Variants in ADGRG2 observed in about 807,000 individuals in gnomAD.
The protein encoded by ADGRG2 is adhesion G protein-coupled receptor G2.
In ADGRG2, 26 loss-of-function variants were observed where a neutral mutation model predicts 74.1. The ratio of observed to expected loss-of-function variants is 0.35; its 90% CI spans 0.26 to 0.49. ADGRG2 has a LOEUF of 0.49. Ranked by LOEUF, ADGRG2 falls within the 20% of genes least tolerant of loss-of-function variation. The pLI, the probability that ADGRG2 is intolerant of heterozygous loss-of-function variation, is 0.99. For missense variants in ADGRG2, 619 were observed against 763.1 expected (o/e 0.81, Z 2.22); for synonymous variants, 296 against 295.2 (o/e 1.00, Z -0.03).
chrX:19,055,007 G>C (rs896344964), intron 3 of ADGRG2, among the ~76,000 whole-genome samples: 5 of 111,787 alleles, frequency 4.5e-5, no homozygotes, highest in African/African-American at 1.6e-4. Context: ...TACTGCCAAG[G>C]TCAAAAGCAA....
rs61742901 is a variant in ADGRG2 at position 19,028,205 on chromosome X, T to C, written c.392A>G (p.Asp131Gly). The change falls in exon 10 of 29, where the codon GAT becomes GGT. Residue 131 changes from aspartate (D) to glycine (G), a missense_variant. Coordinates refer to ENST00000379869, the MANE Select transcript of ADGRG2 (RefSeq NM_001079858.3). The stretch of plus-strand genomic sequence containing the variant: ...TACCTGGGGAACAGTGCTTTCTTTA[T>C]CATATTGAAACATGATCTCACCTCT... ...FFRGEIMFQY[D>G]KESTVPQNQH... is the part of the protein sequence containing the mutation. 24 of 1,095,247 alleles carry C rather than the reference T, an allele frequency of 2.2e-5. No homozygotes were observed. In the African/African-American group the frequency reaches 3.8e-4, roughly 17 times the overall value. 90.3% of individuals were successfully genotyped at this position (1,095,247 alleles called of 1,213,427 possible).
intron 3 of ADGRG2, among the ~76,000 whole-genome samples, chrX:19,065,261 C>CAAAAAA (rs749063279): frequency 1.8e-4 from 2 of 11,116 alleles, no homozygotes; most frequent in African/African-American, 3.2e-4. Flanking sequence ...GATCCTGTCT[C>CAAAAAA]AAAAAAAAAA....
At chrX:19,008,632 C>T (rs1280716312) in intron 18 of ADGRG2, among the ~76,000 whole-genome samples, 7 of 109,716 alleles carry the variant, frequency 6.4e-5, no homozygotes, top group African/African-American at 2.3e-4. Flanking sequence ...CACCAATGCA[C>T]TCAACCCTGG....
chrX:19,077,705 C>T (rs1434485921), intron 2 of ADGRG2, among the ~76,000 whole-genome samples: 1 of 111,319 alleles, frequency 9.0e-6, no homozygotes. Context: ...ATGCTATGCC[C>T]ACACTAATCA....
intron 1 of ADGRG2, among the ~76,000 whole-genome samples, chrX:19,112,906 C>A (rs1253212015): frequency 2.0e-5 from 2 of 102,404 alleles, no homozygotes; most frequent in Non-Finnish European, 3.9e-5. Flanking sequence ...TGCAGTGAGC[C>A]GAGATCGCGC....
chrX:19,100,734 T>C (rs1016631642), intron 1 of ADGRG2, among the ~76,000 whole-genome samples: 1 of 113,320 alleles, frequency 8.8e-6, no homozygotes, highest in Admixed American at 9.3e-5. Context: ...AGGGATGTTA[T>C]AAACATATGT....
intron 18 of ADGRG2, 49 bp downstream of exon 18, chrX:19,009,577 A>G (rs750964048): frequency 2.0e-5 from 21 of 1,069,472 alleles, no homozygotes; most frequent in Admixed American, 1.5e-4. Context: ...AATGGGGACT[A>G]CAATCACACA....
At position 19,037,629 on chromosome X, in the gene ADGRG2, T is replaced by A; in HGVS notation, c.162A>T (p.Leu54Phe). The change falls in exon 5 of 29, where the codon TTA becomes TTT. Residue 54 changes from leucine (L) to phenylalanine (F), a missense_variant. By Grantham distance (22) the Leu-to-Phe change is conservative. This residue lies in a region of ADGRG2 where 292 missense variants were observed against 318.0 expected (regional missense o/e 0.92). Coordinates refer to ENST00000379869, the MANE Select transcript of ADGRG2 (RefSeq NM_001079858.3). ...NSSLSPPPAK[L>F]SVVSFAPSSN... ...AGGAGGGGGCAAAACTGACAACAGATAATTTAGCTGCAGGAGAAAAAAAAA... is the reference window on the plus strand; with the variant it reads ...AGGAGGGGGCAAAACTGACAACAGAAAATTTAGCTGCAGGAGAAAAAAAAA... The A allele has an allele frequency of 8.8e-7, 1 of 1,131,339 alleles. No homozygotes were observed. Among genetic ancestry groups the A allele is most frequent in the Non-Finnish European group, 1.2e-6 (1 of 845,022 alleles). The allele number at this position is 1,131,339 out of a possible 1,213,427, so 93.2% of individuals were successfully genotyped here. A position where few individuals can be genotyped will look rare whatever the true frequency, so the allele number is the denominator to read the frequency against.
intron 15 of ADGRG2, 52 bp from the exon 16 acceptor site, chrX:19,014,126 G>T (rs111691730): frequency 9.5e-5 from 95 of 995,891 alleles, no homozygotes; most frequent in Non-Finnish European, 1.3e-4. Flanking sequence ...AGCTACAGAG[G>T]GGGCAAGTCT....
intron 1 of ADGRG2, among the ~76,000 whole-genome samples, chrX:19,116,380 G>A (rs1429195711): frequency 9.2e-6 from 1 of 108,913 alleles, no homozygotes; most frequent in Non-Finnish European, 1.9e-5. Flanking sequence ...GCATGGAGGT[G>A]TGAAACTGTA....
chrX:19,122,230 G>C lies in ADGRG2; in HGVS notation c.-47+212C>G, dbSNP rs907256422. The stretch of plus-strand genomic sequence containing the variant: ...CCCCAGTCGGGGAACTAGCCCCGGG[G>C]CTGGGAGCTACGCCTCCGCCTTTCA... On this transcript the variant is annotated intron_variant, in intron 1 of 28. Transcript: ENST00000379869. 6.9e-4 allele frequency among the ~76,000 whole-genome samples: 78 copies of C among 112,627 alleles called. 1 individual carries two copies. Among genetic ancestry groups the C allele is most frequent in the Admixed American group, 1.9e-3 (21 of 10,828 alleles).
intron 1 of ADGRG2, among the ~76,000 whole-genome samples, chrX:19,114,071 C>CA (rs60491802): frequency 0.096 from 2,552 of 26,597 alleles, 195 homozygotes; most frequent in African/African-American, 0.26. Context: ...GAATCTGTCT[C>CA]AAAAAAAAAA....
chrX:19,079,170 G>A (rs1374101534), intron 2 of ADGRG2, among the ~76,000 whole-genome samples: 4 of 111,343 alleles, frequency 3.6e-5, no homozygotes, highest in Non-Finnish European at 7.5e-5. Flanking sequence ...AGGCCCAGAT[G>A]GCTTCACTGA....
chrX:19,001,210 T>C (rs778524250), intron 24 of ADGRG2, among the ~76,000 whole-genome samples: 1 of 110,854 alleles, frequency 9.0e-6, no homozygotes, highest in South Asian at 3.9e-4. Context: ...GCTGGCTCTG[T>C]TGAGAGCCCA....
In ADGRG2 at chrX:19,040,179, A is replaced by C; in HGVS notation, c.154+10T>G. ...CTGAAATTCCCCAGAGTTCTAAAAA[A>C]ACAACTTACCAGGTGGTGGTGACAA... On this transcript the variant is annotated intron_variant, in intron 4 of 28. Transcript: ENST00000379869. The C allele has an allele frequency of 8.9e-7, 1 of 1,127,031 alleles. No individual in the cohort carries two copies. The highest frequency in any genetic ancestry group is 1.8e-5 in the African/African-American group (1 of 56,259). 92.9% of individuals were successfully genotyped at this position (1,127,031 alleles called of 1,213,427 possible). A position where few individuals can be genotyped will look rare whatever the true frequency, so the allele number is the denominator to read the frequency against.
At chrX:19,039,652 C>T (rs1186806874) in intron 4 of ADGRG2, among the ~76,000 whole-genome samples, 1 of 111,977 alleles carries the variant, frequency 8.9e-6, no homozygotes, top group East Asian at 2.8e-4. Context: ...GTCACTTTAT[C>T]CCTAAGGTCC....
intron 2 of ADGRG2, among the ~76,000 whole-genome samples, chrX:19,077,547 C>A (rs2061773004): frequency 9.6e-6 from 1 of 104,135 alleles, no homozygotes; most frequent in African/African-American, 3.5e-5. Context: ...ATCAATGATT[C>A]ATGAAATATA....
At chrX:19,015,308 GA>G (rs2146598429) in intron 15 of ADGRG2, among the ~76,000 whole-genome samples, 1 of 112,596 alleles carries the variant, frequency 8.9e-6, no homozygotes, top group African/African-American at 3.2e-5. Context: ...TCTATAAAAA[GA>G]AAAGCCTGCT....
At chrX:19,013,045 G>T (rs1242831801) in intron 16 of ADGRG2, among the ~76,000 whole-genome samples, 1 of 111,305 alleles carries the variant, frequency 9.0e-6, no homozygotes, top group Non-Finnish European at 1.9e-5. Flanking sequence ...GGCGGAGGCA[G>T]AAGGAGCTTG....
Sources: gnomAD v4.1 joint callset for allele counts (sites outside exome capture counted in the v4.1 genomes callset) on GRCh38, gnomAD v4.1.1 for gene constraint, gnomAD v4.1.1 regional missense constraint, MANE v1.5 for transcripts, NCBI Gene and HGNC (gene_info 2026-07-23, HGNC 2026-07-21) for gene names.